The following ADCY2 variants were observed in gnomAD, a reference collection of about 807,000 sequenced individuals.
ADCY2 encodes adenylate cyclase 2, also known as adenylate cyclase type 2.
ADCY2 carries 31 observed loss-of-function variants against 125.2 expected under a neutral mutation model. The observed-to-expected ratio is 0.25, with a 90% CI of 0.19 to 0.33. The LOEUF (loss-of-function observed/expected upper bound fraction) is 0.33, where lower values mean the gene tolerates loss of function less well. Ranked by LOEUF, ADCY2 falls within the 10% of genes least tolerant of loss-of-function variation. The probability of loss-of-function intolerance (pLI) is 1.00; values close to 1 mark genes in which losing one functional copy is unlikely to be tolerated. For synonymous variants in ADCY2, 512 were observed against 548.4 expected (o/e 0.93, Z 0.93); for missense variants, 904 against 1,418.2 (o/e 0.64, Z 5.82).
chr5:7,674,958 A>G (rs1184036862), intron 4 of ADCY2, among the ~76,000 whole-genome samples: 1 of 152,142 alleles, frequency 6.6e-6, no homozygotes, highest in Non-Finnish European at 1.5e-5. Context: ...GATCGAGACC[A>G]TCCTGGCTAA....
intron 2 of ADCY2, among the ~76,000 whole-genome samples, chr5:7,455,611 G>T (rs990715704): frequency 6.2e-5 from 9 of 145,284 alleles, no homozygotes; most frequent in Admixed American, 2.1e-4. Context: ...TTATGTATTT[G>T]TTATATTACA....
Position 7,745,930 on chromosome 5 carries a change from C to T in ADCY2, c.1956+2178C>T, listed in dbSNP as rs115087761. Among the ~76,000 whole-genome samples, 1,042 of 152,316 alleles carry T rather than the reference C, an allele frequency of 6.8e-3. 5 individuals carry two copies. The highest frequency in any genetic ancestry group is 0.011 in the Non-Finnish European group (729 of 68,028). On this transcript the variant is annotated intron_variant, in intron 15 of 24. Coordinates refer to ENST00000338316, the MANE Select transcript of ADCY2 (RefSeq NM_020546.3). ...GCAGAAAAAAATATCTCAGGAACAACTCTGCTGCGTCTGTGGGAAAGCATT... is the reference window on the plus strand; with the variant it reads ...GCAGAAAAAAATATCTCAGGAACAATTCTGCTGCGTCTGTGGGAAAGCATT...
At position 7,396,616 on chromosome 5, in the gene ADCY2, C is replaced by T; in HGVS notation, c.210+110C>T. ...GCTGCCCCTCGGCCCGCGGCAGCCC[C>T]TCGGCCCGCGGCAGCCCCTCGGCCC... On this transcript the variant is annotated intron_variant, in intron 1 of 24. Coordinates refer to ENST00000338316, the MANE Select transcript of ADCY2 (RefSeq NM_020546.3). The surrounding 1 kb of genome is among the most constrained non-coding windows in gnomAD (Gnocchi z 5.7). 2.5e-6 allele frequency: 2 copies of T among 795,338 alleles called. No homozygotes were observed. The highest frequency in any genetic ancestry group is 4.1e-5 in the East Asian group (1 of 24,424). 49.3% of individuals were successfully genotyped at this position (795,338 alleles called of 1,614,324 possible). A position where few individuals can be genotyped will look rare whatever the true frequency, so the allele number is the denominator to read the frequency against.
chr5:7,492,490 G>A (rs1743198910), intron 2 of ADCY2, among the ~76,000 whole-genome samples: 1 of 152,174 alleles, frequency 6.6e-6, no homozygotes, highest in African/African-American at 2.4e-5. Flanking sequence ...GCCATCAGAA[G>A]ATGAACAGAT....
intron 3 of ADCY2, among the ~76,000 whole-genome samples, chr5:7,528,442 C>T (rs376922105): frequency 5.3e-5 from 8 of 152,186 alleles, no homozygotes; most frequent in African/African-American, 1.9e-4. Context: ...GACCTAGGTT[C>T]ATTTTCAGCA....
At chr5:7,693,413 G>GTTTTTTTTTTTTTT (rs70940751) in intron 5 of ADCY2, among the ~76,000 whole-genome samples, 16 of 32,384 alleles carry the variant, frequency 4.9e-4, no homozygotes, top group Non-Finnish European at 8.9e-4. Flanking sequence ...GCTGTTTTTT[G>GTTTTTTTTTTTTTT]TTTTTTTTTT....
intron 1 of ADCY2, among the ~76,000 whole-genome samples, chr5:7,397,059 A>C (rs1739078983): frequency 6.6e-6 from 1 of 152,236 alleles, no homozygotes; most frequent in Non-Finnish European, 1.5e-5. Context: ...ATCTGTATGC[A>C]TTTAGCTCTT....
chr5:7,634,193 T>A (rs1208935703), intron 4 of ADCY2, among the ~76,000 whole-genome samples: 1 of 152,188 alleles, frequency 6.6e-6, no homozygotes, highest in African/African-American at 2.4e-5. Context: ...CATGCATATT[T>A]AATAGTATAT....
At chr5:7,819,973 C>G (rs1745244377) in intron 23 of ADCY2, among the ~76,000 whole-genome samples, 2 of 152,210 alleles carry the variant, frequency 1.3e-5, no homozygotes, top group African/African-American at 4.8e-5. Flanking sequence ...GCTGAGCTGA[C>G]AGATGCAAGG....
At chr5:7,423,089 G>GA (rs1270267115) in intron 2 of ADCY2, among the ~76,000 whole-genome samples, 1 of 152,138 alleles carries the variant, frequency 6.6e-6, no homozygotes, top group African/African-American at 2.4e-5. Context: ...ACACACCTAA[G>GA]AAAAATTAAA....
At chr5:7,589,386 AAAG>A (rs1736739697) in intron 3 of ADCY2, among the ~76,000 whole-genome samples, 1 of 150,474 alleles carries the variant, frequency 6.6e-6, no homozygotes, top group Non-Finnish European at 1.5e-5. Flanking sequence ...TGGCAAAAAA[AAAG>A]AAAGAAAGAA....
chr5:7,596,276 C>T (rs546225443), intron 3 of ADCY2, among the ~76,000 whole-genome samples: 2,045 of 29,992 alleles, frequency 0.068, 187 homozygotes, highest in Admixed American at 0.3. Context: ...TCCAAAAACT[C>T]CCCCCCCCCA....
chr5:7,671,903 T>A (rs966011434), intron 4 of ADCY2, among the ~76,000 whole-genome samples: 2 of 152,078 alleles, frequency 1.3e-5, no homozygotes, highest in African/African-American at 4.8e-5. Context: ...GTGAGGAAAA[T>A]GATGCCCCGG....
At chr5:7,530,792 G>C (rs1579542123) in intron 3 of ADCY2, among the ~76,000 whole-genome samples, 1 of 151,966 alleles carries the variant, frequency 6.6e-6, no homozygotes, top group African/African-American at 2.4e-5. Context: ...TGCCATGGGA[G>C]CCCCAACAGT....
intron 2 of ADCY2, among the ~76,000 whole-genome samples, chr5:7,417,924 G>C (rs1314375346): frequency 6.6e-6 from 1 of 152,172 alleles, no homozygotes; most frequent in Non-Finnish European, 1.5e-5. Flanking sequence ...TATGTTCATT[G>C]ACAGATGACT....
intron 2 of ADCY2, among the ~76,000 whole-genome samples, chr5:7,433,796 A>G (rs1449545658): frequency 6.6e-6 from 1 of 152,214 alleles, no homozygotes; most frequent in African/African-American, 2.4e-5. Context: ...GGGTGAAATT[A>G]AAACAGCGAG....
At chr5:7,725,342 G>A (rs1741898462) in intron 13 of ADCY2, among the ~76,000 whole-genome samples, 1 of 152,252 alleles carries the variant, frequency 6.6e-6, no homozygotes, top group East Asian at 1.9e-4. Context: ...TACATTAATG[G>A]TAGCATTCGC....
intron 17 of ADCY2, among the ~76,000 whole-genome samples, chr5:7,771,254 A>T (rs112066426): frequency 6.6e-6 from 1 of 152,042 alleles, no homozygotes; most frequent in African/African-American, 2.4e-5. Context: ...TGTTGATTCT[A>T]TTGTTTTACT....
intron 3 of ADCY2, among the ~76,000 whole-genome samples, chr5:7,590,849 C>T (rs1055152574): frequency 1.3e-5 from 2 of 152,112 alleles, no homozygotes; most frequent in Admixed American, 6.5e-5. Flanking sequence ...ATTAATTTAT[C>T]TTAACCATTA....
Sources: gnomAD v4.1 joint callset for allele counts (sites outside exome capture counted in the v4.1 genomes callset) on GRCh38, gnomAD v4.1.1 for gene constraint, Gnocchi (gnomAD v3.1) non-coding constraint, MANE v1.5 for transcripts, NCBI Gene and HGNC (gene_info 2026-07-23, HGNC 2026-07-21) for gene names.